Variants in PGBD5 observed in about 807,000 individuals in gnomAD.
The protein encoded by PGBD5 is piggyBac transposable element derived 5.
A neutral mutation model predicts 47.9 loss-of-function variants in PGBD5; 14 were observed. The observed-to-expected ratio is 0.29, with a 90% confidence interval of 0.19 to 0.46. The LOEUF (loss-of-function observed/expected upper bound fraction) is 0.46. Ranked by LOEUF, PGBD5 falls within the 20% of genes least tolerant of loss-of-function variation. The probability of loss-of-function intolerance (pLI) is 1.00; values close to 1 mark genes in which losing one functional copy is unlikely to be tolerated. For missense variants in PGBD5, 635 were observed against 716.0 expected (o/e 0.89, Z 1.29); for synonymous variants, 316 against 306.3 (o/e 1.03, Z -0.33).
chr1:230,346,022 T>G (rs549344307), intron 3 of PGBD5, among the ~76,000 whole-genome samples: 1 of 152,260 alleles, frequency 6.6e-6, no homozygotes, highest in South Asian at 2.1e-4. Flanking sequence ...CACCCAGCTT[T>G]AAATGCATTT....
At position 230,317,898 on chromosome 1, in the gene PGBD5, C is replaced by A. The variant is rs148636192; in HGVS notation, c.*5527G>T. The A allele has an allele frequency of 6.6e-6, 1 of 152,330 alleles. No homozygotes were observed. The highest frequency in any genetic ancestry group is 2.4e-5 in the African/African-American group (1 of 41,552). The allele number at this position is 152,330 out of a possible 1,614,324, so 9.4% of individuals were successfully genotyped here. On this transcript the variant is annotated 3_prime_UTR_variant, in exon 7 of 7. Coordinates refer to ENST00000391860, the MANE Select transcript of PGBD5 (RefSeq NM_001258311.2). ...AGTGACATGGAGCGCACAATCAAGT[C>A]TCCCGCAGGAGTCTCCTCATTACGA...
chr1:230,403,843 G>A (rs532871578), intron 1 of PGBD5, among the ~76,000 whole-genome samples: 2 of 152,258 alleles, frequency 1.3e-5, no homozygotes, highest in African/African-American at 4.8e-5. Flanking sequence ...AAGGGGGACC[G>A]CCCAGAAGAA....
At chr1:230,324,936 G>C (rs1188877163) in intron 6 of PGBD5, among the ~76,000 whole-genome samples, 3 of 152,228 alleles carry the variant, frequency 2.0e-5, no homozygotes, top group Non-Finnish European at 2.9e-5. Flanking sequence ...AGTGTGTTAG[G>C]GGTGTGGGGA....
intron 3 of PGBD5, among the ~76,000 whole-genome samples, chr1:230,342,055 G>T (rs1667414295): frequency 6.6e-6 from 1 of 152,112 alleles, no homozygotes. Context: ...TACCCTGGGG[G>T]ACACATACAG....
chr1:230,326,987 C>T (rs758968100), intron 5 of PGBD5, among the ~76,000 whole-genome samples: 2 of 152,204 alleles, frequency 1.3e-5, no homozygotes, highest in South Asian at 2.1e-4. Context: ...GAGAAGCACA[C>T]GGAGACCCAT....
At chr1:230,399,885 C>T (rs553118086) in intron 1 of PGBD5, among the ~76,000 whole-genome samples, 45 of 152,366 alleles carry the variant, frequency 3.0e-4, no homozygotes, top group African/African-American at 9.1e-4. Flanking sequence ...AATCTGAAGG[C>T]GTCTCATCGT....
At chr1:230,423,201 T>C (rs929223348) in intron 1 of PGBD5, among the ~76,000 whole-genome samples, 7 of 152,188 alleles carry the variant, frequency 4.6e-5, no homozygotes, top group African/African-American at 1.7e-4. Flanking sequence ...GATTCTGTGC[T>C]TTCCTCATCT....
intron 1 of PGBD5, among the ~76,000 whole-genome samples, chr1:230,360,483 G>A (rs191016176): frequency 6.0e-4 from 92 of 152,312 alleles, no homozygotes; most frequent in African/African-American, 2.1e-3. Flanking sequence ...CACGTGTTGG[G>A]GAGGGACCTC....
At chr1:230,382,960 G>A (rs958822214) in intron 1 of PGBD5, among the ~76,000 whole-genome samples, 2 of 152,152 alleles carry the variant, frequency 1.3e-5, no homozygotes, top group Non-Finnish European at 2.9e-5. Flanking sequence ...AACTTTCCCT[G>A]ACTAGAATTT....
Position 230,323,737 on chromosome 1 carries a change from A to AGCAGGAGGGCTATGGGG in PGBD5, c.1380-134_1380-118dup, listed in dbSNP as rs1403492485. On this transcript the variant is annotated intron_variant, in intron 6 of 6. Transcript: ENST00000391860. This position sits in a 1 kb window ranked among gnomAD's most constrained non-coding sequence, Gnocchi z 4.1. ...ACGCTGCAGGTTCGCCCCCGACAGA[A>AGCAGGAGGGCTATGGGG]GCAGGAGGGCTATGGGGGCAGGAGT... is the stretch of plus-strand genomic sequence containing the variant. 11 of 977,574 alleles carry AGCAGGAGGGCTATGGGG rather than the reference A, an allele frequency of 1.1e-5. No homozygotes were observed. The highest frequency in any genetic ancestry group is 1.7e-5 in the Non-Finnish European group (11 of 660,564). 60.6% of individuals were successfully genotyped at this position (977,574 alleles called of 1,614,324 possible). A position where few individuals can be genotyped will look rare whatever the true frequency, so the allele number is the denominator to read the frequency against.
chr1:230,325,279 C>T (rs780051567), intron 6 of PGBD5, 31 bp downstream of exon 6: 1 of 1,479,942 alleles, frequency 6.8e-7, no homozygotes, highest in Non-Finnish European at 9.4e-7. Context: ...CTATGAGAGC[C>T]CTTCTGTCAT....
At chr1:230,346,744 C>T (rs1667477819) in intron 3 of PGBD5, among the ~76,000 whole-genome samples, 3 of 152,180 alleles carry the variant, frequency 2.0e-5, no homozygotes, top group Admixed American at 2.0e-4. Context: ...GTGTTTCTTA[C>T]CCCTACAGGT....
At chr1:230,333,108 T>G in intron 4 of PGBD5, 67 bp from the exon 5 acceptor site, 2 of 1,497,364 alleles carry the variant, frequency 1.3e-6, no homozygotes, top group Admixed American at 4.0e-5. Context: ...TCCTCCGCCC[T>G]GGGCACCCCC....
intron 5 of PGBD5, among the ~76,000 whole-genome samples, chr1:230,328,624 C>T (rs1667161320): frequency 6.6e-6 from 1 of 152,236 alleles, no homozygotes; most frequent in South Asian, 2.1e-4. Flanking sequence ...TTCTCCATGT[C>T]TGTCTCTGTG....
Position 230,332,944 on chromosome 1 carries a change from GC to G in PGBD5, c.1172del (p.Gly391AlafsTer7). The G allele has an allele frequency of 6.2e-7, 1 of 1,614,188 alleles. No homozygotes were observed. On this transcript the variant is annotated frameshift_variant, in exon 5 of 7. Coordinates refer to ENST00000391860, the MANE Select transcript of PGBD5 (RefSeq NM_001258311.2). LOFTEE classifies it high-confidence loss of function. ...TCCCCTTCATCTTGATTTGGTACTG[GC>G]CCCGGGCCGGGGGTGTGGCTGGGTT... ...LTNPATPPAR[G>X]QYQIKMKGNM...
chr1:230,407,066 C>G (rs1657315163), intron 1 of PGBD5, among the ~76,000 whole-genome samples: 1 of 152,186 alleles, frequency 6.6e-6, no homozygotes, highest in African/African-American at 2.4e-5. Flanking sequence ...AACCCCTGAC[C>G]TCAGGTGATC....
chr1:230,374,087 C>T (rs975768078), intron 1 of PGBD5, among the ~76,000 whole-genome samples: 2 of 152,122 alleles, frequency 1.3e-5, no homozygotes, highest in East Asian at 1.9e-4. Context: ...ACTCTCTCTA[C>T]ATTAAAAGGA....
At chr1:230,324,699 C>G (rs573656062) in intron 6 of PGBD5, among the ~76,000 whole-genome samples, 15 of 152,204 alleles carry the variant, frequency 9.9e-5, no homozygotes, top group African/African-American at 3.6e-4. Flanking sequence ...TTTTTGAGTT[C>G]CCATCATGGT....
chr1:230,369,846 A>C (rs1667899930), intron 1 of PGBD5, among the ~76,000 whole-genome samples: 1 of 152,096 alleles, frequency 6.6e-6, no homozygotes, highest in South Asian at 2.1e-4. Context: ...ATATCCCTAG[A>C]ATTCCCTGCA....
Sources: gnomAD v4.1 joint callset for allele counts (sites outside exome capture counted in the v4.1 genomes callset) on GRCh38, gnomAD v4.1.1 for gene constraint, Gnocchi (gnomAD v3.1) non-coding constraint, MANE v1.5 for transcripts, NCBI Gene and HGNC (gene_info 2026-07-23, HGNC 2026-07-21) for gene names.